RNF214: variants seen among roughly 807,000 people sequenced by gnomAD.
RNF214 encodes the protein ring finger protein 214.
In RNF214, 25 loss-of-function variants were observed where a neutral mutation model predicts 75.9. That is an observed-to-expected ratio of 0.33 (90% CI 0.24 to 0.46). The LOEUF (loss-of-function observed/expected upper bound fraction) is 0.46. Ranked by LOEUF, RNF214 falls within the 20% of genes least tolerant of loss-of-function variation. RNF214 has a pLI of 1.00. For synonymous variants in RNF214, 314 were observed against 308.8 expected (o/e 1.02, Z -0.18); for missense variants, 725 against 857.5 (o/e 0.85, Z 1.93).
At chr11:117,258,632 A>G (rs1355680672) in intron 6 of RNF214, among the ~76,000 whole-genome samples, 1 of 152,132 alleles carries the variant, frequency 6.6e-6, no homozygotes, top group Non-Finnish European at 1.5e-5. Flanking sequence ...CTGGTTGAAA[A>G]ATACATAAAT....
chr11:117,282,904 G>A, intron 13 of RNF214, 54 bp downstream of exon 13: 1 of 1,415,608 alleles, frequency 7.1e-7, no homozygotes, highest in Non-Finnish European at 1.0e-6. Context: ...AGGTGAGGAA[G>A]GAGTGGGTTT....
chr11:117,271,855 G>A (rs1462804169), intron 6 of RNF214, among the ~76,000 whole-genome samples: 3 of 152,134 alleles, frequency 2.0e-5, no homozygotes, highest in African/African-American at 4.8e-5. Flanking sequence ...GGGTCTCGCT[G>A]CATCATACAG....
rs539799374 is a variant in RNF214, at chr11:117,243,177, C to T, written c.679-1268C>T. ...ATTTATTTATTTTGAGACGGAGTCT[C>T]GCTCTGTCACCCAGTCTGGACTGCA... On this transcript the variant is annotated intron_variant, in intron 4 of 14. Transcript: ENST00000300650. Among the ~76,000 whole-genome samples the T allele has an allele frequency of 1.3e-3, 201 of 152,100 alleles. 1 individual carries two copies. Among genetic ancestry groups the T allele is most frequent in the African/African-American group, 4.6e-3 (192 of 41,478 alleles).
chr11:117,242,931 T>C (rs1187772740), intron 4 of RNF214, among the ~76,000 whole-genome samples: 2 of 152,180 alleles, frequency 1.3e-5, no homozygotes, highest in Non-Finnish European at 2.9e-5. Flanking sequence ...CTTTGAATTC[T>C]TATCTCAGAA....
At chr11:117,236,060 AAG>A in intron 2 of RNF214, among the ~76,000 whole-genome samples, 1 of 151,496 alleles carries the variant, frequency 6.6e-6, no homozygotes, top group East Asian at 2.0e-4. Context: ...TCCCGGGTTC[AAG>A]TGATTCTCCT....
chr11:117,257,895 A>G (rs1591828344), intron 6 of RNF214, among the ~76,000 whole-genome samples: 1 of 152,300 alleles, frequency 6.6e-6, no homozygotes, highest in East Asian at 1.9e-4. Context: ...AGGCAAAGGA[A>G]TTAAATTACT....
rs77557872 is a variant in RNF214 at position 117,260,087 on chromosome 11, T to A, written c.959+13139T>A. On this transcript the variant is annotated intron_variant, in intron 6 of 14. Coordinates refer to ENST00000300650, the MANE Select transcript of RNF214 (RefSeq NM_207343.4). ...ATCTCAAATTCTTTGATTTTTTTTT[T>A]TTTCTCCCCCTGGGAGGCACAACAT... 6.0e-3 allele frequency among the ~76,000 whole-genome samples: 920 copies of A among 152,270 alleles called. 10 individuals carry two copies. Among genetic ancestry groups the A allele is most frequent in the Non-Finnish European group, 8.9e-3 (605 of 68,026 alleles).
chr11:117,247,107 A>C (rs762703494), intron 6 of RNF214, among the ~76,000 whole-genome samples, 159 bp downstream of exon 6: 5 of 152,266 alleles, frequency 3.3e-5, no homozygotes, highest in Non-Finnish European at 7.3e-5. Context: ...TTTCAGTATC[A>C]AACATTAGAC....
intron 6 of RNF214, among the ~76,000 whole-genome samples, chr11:117,264,902 A>G (rs1467198889): frequency 6.6e-6 from 1 of 151,894 alleles, no homozygotes; most frequent in African/African-American, 2.4e-5. Flanking sequence ...CGTCTCTACT[A>G]AAAATAAAAA....
intron 2 of RNF214, among the ~76,000 whole-genome samples, chr11:117,235,300 C>T (rs1002836000): frequency 2.6e-5 from 4 of 151,326 alleles, no homozygotes; most frequent in Admixed American, 1.3e-4. Context: ...GGGTTTATGC[C>T]GTTCTCCTGC....
At position 117,263,294 on chromosome 11, in the gene RNF214, T is replaced by C. The variant is rs560260175; in HGVS notation, c.959+16346T>C. The stretch of plus-strand genomic sequence containing the variant: ...AACAGGAGAAAAAAAAACTTTTTTT[T>C]TTTTGAGATGGAGTCTCGCTGTGTT... On this transcript the variant is annotated intron_variant, in intron 6 of 14. Transcript: ENST00000300650. 3.3e-5 allele frequency among the ~76,000 whole-genome samples: 4 copies of C among 122,432 alleles called. No homozygotes were observed. In the East Asian group the frequency reaches 1.1e-3, roughly 34 times the overall value. 80.3% of individuals were successfully genotyped at this position (122,432 alleles called of 152,430 possible).
intron 2 of RNF214, among the ~76,000 whole-genome samples, chr11:117,237,805 A>T (rs566895668): frequency 7.2e-5 from 11 of 152,310 alleles, no homozygotes; most frequent in Admixed American, 2.0e-4. Flanking sequence ...TCAAAATTGT[A>T]CTTTAGACAA....
At chr11:117,274,847 T>TA (rs899152877) in intron 6 of RNF214, among the ~76,000 whole-genome samples, 1 of 142,372 alleles carries the variant, frequency 7.0e-6, no homozygotes, top group African/African-American at 2.5e-5. Context: ...TTTTTGTAAA[T>TA]TTTTTTTTTT....
chr11:117,279,877 T>G, intron 6 of RNF214, 31 bp from the exon 7 acceptor site: 1 of 1,533,210 alleles, frequency 6.5e-7, no homozygotes, highest in Non-Finnish European at 8.9e-7. Context: ...TCTTTCTTCC[T>G]TAGTCTTGTT....
intron 10 of RNF214, 38 bp downstream of exon 10, chr11:117,281,736 T>C (rs1565348876): frequency 1.9e-6 from 3 of 1,548,850 alleles, no homozygotes; most frequent in Non-Finnish European, 2.7e-6. Context: ...CACCTTTCTG[T>C]GTTGGTAGCA....
At chr11:117,252,544 G>A (rs915003933) in intron 6 of RNF214, among the ~76,000 whole-genome samples, 4 of 151,026 alleles carry the variant, frequency 2.6e-5, no homozygotes, top group Non-Finnish European at 5.9e-5. Flanking sequence ...TTTTTGAGAC[G>A]GAGTCTTGCT....
intron 6 of RNF214, among the ~76,000 whole-genome samples, chr11:117,255,624 A>G (rs907962458): frequency 9.2e-5 from 14 of 151,934 alleles, no homozygotes; most frequent in African/African-American, 3.4e-4. Context: ...AAGTGCTGGG[A>G]TTATAGGAAT....
In RNF214 at chr11:117,242,158, T is replaced by TC. The variant is rs1170448193; in HGVS notation, c.679-2285dup. ...TCCCTGGCCTTTTGTGGCTAAAACT[T>TC]CCACCTTTAAGTATATGGATATCTA... On this transcript the variant is annotated intron_variant, in intron 4 of 14. Coordinates refer to ENST00000300650, the MANE Select transcript of RNF214 (RefSeq NM_207343.4). Among the ~76,000 whole-genome samples, 5 of 152,200 alleles carry TC rather than the reference T, an allele frequency of 3.3e-5. 1 individual carries two copies. The highest frequency in any genetic ancestry group is 1.2e-4 in the African/African-American group (5 of 41,446).
intron 1 of RNF214, among the ~76,000 whole-genome samples, chr11:117,233,500 G>A (rs1489965558): frequency 2.6e-5 from 4 of 152,180 alleles, no homozygotes; most frequent in East Asian, 1.9e-4. Context: ...CACCTCCCAA[G>A]TATTTTGATT....
Sources: gnomAD v4.1 joint callset for allele counts (sites outside exome capture counted in the v4.1 genomes callset) on GRCh38, gnomAD v4.1.1 for gene constraint, MANE v1.5 for transcripts, NCBI Gene and HGNC (gene_info 2026-07-23, HGNC 2026-07-21) for gene names.